Variants in KALRN observed in about 807,000 individuals in gnomAD.
KALRN encodes kalirin.
A neutral mutation model predicts 353.7 loss-of-function variants in KALRN; 70 were observed. The observed-to-expected ratio is 0.20, with a 90% CI of 0.16 to 0.24. KALRN has a LOEUF of 0.24. Among genes scored for constraint, KALRN ranks in the 10% least tolerant of loss-of-function variants. The pLI is 1.00. For missense variants in KALRN, 2,791 were observed against 3,756.7 expected, an observed-to-expected ratio of 0.74 and a Z score of 6.72; for synonymous variants, 1,391 against 1,434.8, an observed-to-expected ratio of 0.97 and a Z score of 0.69.
rs528465839 is a variant in KALRN at position 124,321,105 on chromosome 3, A to G, written c.1093-4875A>G. Among the ~76,000 whole-genome samples the G allele has an allele frequency of 7.2e-5, 11 of 152,366 alleles. No homozygotes were observed. The South Asian group carries it at 1.7e-3, about 23-fold the overall frequency. ...AACTGAATGAGGGAAAAGATATGAC[A>G]TTCTTTGCACTATTGGTTTTGTGCC... is the stretch of plus-strand genomic sequence containing the variant. On this transcript the variant is annotated intron_variant, in intron 6 of 59. Coordinates refer to ENST00000682506, the MANE Select transcript of KALRN (RefSeq NM_001388419.1).
chr3:124,407,481 A>G (rs1001316419), intron 13 of KALRN, among the ~76,000 whole-genome samples: 1 of 152,138 alleles, frequency 6.6e-6, no homozygotes, highest in Non-Finnish European at 1.5e-5. Context: ...CTCTTGCCTT[A>G]CAGAGACCCT....
At chr3:124,298,610 G>A (rs2077029485) in intron 5 of KALRN, among the ~76,000 whole-genome samples, 181 bp from the exon 6 acceptor site, 1 of 152,068 alleles carries the variant, frequency 6.6e-6, no homozygotes, top group African/African-American at 2.4e-5. Flanking sequence ...CGCTAAAAGT[G>A]AGGGCTCTCC....
At chr3:124,438,333 T>C (rs989072685) in intron 17 of KALRN, among the ~76,000 whole-genome samples, 1 of 152,212 alleles carries the variant, frequency 6.6e-6, no homozygotes, top group Non-Finnish European at 1.5e-5. Flanking sequence ...ATGTGTATTT[T>C]GTAATAGAGG....
chr3:124,114,253 T>A (rs2063259221), intron 1 of KALRN, among the ~76,000 whole-genome samples: 1 of 152,180 alleles, frequency 6.6e-6, no homozygotes, highest in Non-Finnish European at 1.5e-5. Flanking sequence ...CCTGTTTGTA[T>A]GATGGATTTG....
At chr3:124,383,141 G>A (rs1254170369) in intron 10 of KALRN, among the ~76,000 whole-genome samples, 1 of 152,142 alleles carries the variant, frequency 6.6e-6, no homozygotes, top group Non-Finnish European at 1.5e-5. Context: ...TTGGGAAGTT[G>A]CTTTTCAAGC....
chr3:124,612,559 A>G (rs1481128050), intron 34 of KALRN, among the ~76,000 whole-genome samples: 1 of 151,406 alleles, frequency 6.6e-6, no homozygotes, highest in Non-Finnish European at 1.5e-5. Context: ...CTGGTCTTGA[A>G]CTCCTCACCT....
intron 1 of KALRN, among the ~76,000 whole-genome samples, chr3:124,130,600 A>G (rs2149687117): frequency 6.6e-6 from 1 of 152,254 alleles, no homozygotes; most frequent in East Asian, 1.9e-4. Context: ...TGCACACCCC[A>G]TGAACCCATA....
chr3:124,696,591 G>A (rs980398394), intron 54 of KALRN, among the ~76,000 whole-genome samples: 2 of 152,132 alleles, frequency 1.3e-5, no homozygotes. Flanking sequence ...ATGTTGCCCA[G>A]GCTGGTCTCA....
At chr3:124,599,594 A>C (rs1223083375) in intron 34 of KALRN, among the ~76,000 whole-genome samples, 3 of 152,164 alleles carry the variant, frequency 2.0e-5, no homozygotes, top group Non-Finnish European at 4.4e-5. Context: ...CTGAGTCTGC[A>C]TGACCCTCTT....
chr3:124,579,116 A>G (rs1236428392), intron 34 of KALRN, among the ~76,000 whole-genome samples: 2 of 152,222 alleles, frequency 1.3e-5, no homozygotes, highest in Non-Finnish European at 2.9e-5. Context: ...AAAAAATGGC[A>G]TATGTCTGTT....
intron 19 of KALRN, among the ~76,000 whole-genome samples, chr3:124,445,903 T>C (rs757590333): frequency 5.9e-5 from 9 of 152,244 alleles, no homozygotes; most frequent in Non-Finnish European, 1.3e-4. Flanking sequence ...TGTAAGTCAC[T>C]GGTGTTATAT....
intron 5 of KALRN, among the ~76,000 whole-genome samples, chr3:124,287,130 T>A (rs1332048656): frequency 2.0e-5 from 3 of 152,082 alleles, no homozygotes; most frequent in Non-Finnish European, 2.9e-5. Context: ...GTTTCTGGGG[T>A]CACAAATGAA....
chr3:124,158,067 G>A (rs1325125679), intron 1 of KALRN, among the ~76,000 whole-genome samples: 3 of 152,180 alleles, frequency 2.0e-5, no homozygotes, highest in Non-Finnish European at 4.4e-5. Context: ...ACTGGTCTAC[G>A]CAGAGAGGCT....
At chr3:124,464,999 G>T (rs560649699) in intron 25 of KALRN, among the ~76,000 whole-genome samples, 1 of 152,226 alleles carries the variant, frequency 6.6e-6, no homozygotes, top group South Asian at 2.1e-4. Flanking sequence ...CCTGAGTCAT[G>T]AATATGTTCC....
At chr3:124,472,808 C>T (rs935631071) in intron 25 of KALRN, among the ~76,000 whole-genome samples, 3 of 152,114 alleles carry the variant, frequency 2.0e-5, no homozygotes, top group Admixed American at 6.6e-5. Context: ...AAGGTAGCAA[C>T]AAATATGACA....
chr3:124,601,901 C>T (rs2076841626), intron 34 of KALRN, among the ~76,000 whole-genome samples: 1 of 151,856 alleles, frequency 6.6e-6, no homozygotes. Context: ...TGGCACCCAC[C>T]TGTAGTCCCA....
At chr3:124,173,390 C>G (rs886193656) in intron 1 of KALRN, among the ~76,000 whole-genome samples, 1 of 152,162 alleles carries the variant, frequency 6.6e-6, no homozygotes, top group African/African-American at 2.4e-5. Flanking sequence ...GAACAAAGGA[C>G]AGACAGAATT....
Position 124,597,197 on chromosome 3 carries a change from G to A in KALRN, c.5182+34108G>A, listed in dbSNP as rs1338560169. 3.3e-5 allele frequency among the ~76,000 whole-genome samples: 5 copies of A among 152,118 alleles called. No individual in the cohort carries two copies. In the South Asian group the frequency reaches 8.3e-4, roughly 25 times the overall value. ...AATTAGGCTGAGCACTTTTTGTGTT[G>A]ATTCCCAAATATTTGAATACTGTGT... On this transcript the variant is annotated intron_variant, in intron 34 of 59. Coordinates refer to ENST00000682506, the MANE Select transcript of KALRN (RefSeq NM_001388419.1).
At chr3:124,286,319 G>A (rs1054547794) in intron 5 of KALRN, among the ~76,000 whole-genome samples, 7 of 142,316 alleles carry the variant, frequency 4.9e-5, no homozygotes, top group African/African-American at 1.8e-4. Flanking sequence ...CCCTTTTTGT[G>A]CTGCAAACTC....
Sources: allele counts gnomAD v4.1 joint callset (sites outside exome capture counted in the v4.1 genomes callset), GRCh38; gene constraint gnomAD v4.1.1; transcripts MANE v1.5; gene names NCBI Gene and HGNC (gene_info 2026-07-23, HGNC 2026-07-21).